KCNN2: variants seen among roughly 807,000 people sequenced by gnomAD.
KCNN2 encodes the protein potassium calcium-activated channel subfamily N member 2, also known as small conductance calcium-activated potassium channel protein 2.
KCNN2 carries 24 observed loss-of-function variants against 55.5 expected under a neutral mutation model. The ratio of observed to expected loss-of-function variants is 0.43; its 90% CI spans 0.31 to 0.61. The LOEUF is 0.61. Ranked by LOEUF, KCNN2 falls within the 20% of genes least tolerant of loss-of-function variation. The pLI is 0.08. For missense variants in KCNN2, 754 were observed against 853.6 expected, an observed-to-expected ratio of 0.88 and a Z score of 1.45; for synonymous variants, 431 against 336.1, an observed-to-expected ratio of 1.28 and a Z score of -3.09.
Position 114,362,775 on chromosome 5 carries a change from C to G in KCNN2, c.636C>G (p.Ala212=). Reference sequence around the variant, plus strand: ...AGAGCAACCCCTTCACCGAAATAGCCATGAGCAGCTGCAGGTACAACGGGG... The same window carrying G: ...AGAGCAACCCCTTCACCGAAATAGCGATGAGCAGCTGCAGGTACAACGGGG... ...RRESNPFTEI[A]MSSCRYNGGV... Residue 212 remains alanine (A), a synonymous_variant, in exon 1 of 8, where the codon GCC becomes GCG. Transcript: ENST00000673685. The G allele has an allele frequency of 2.5e-6, 4 of 1,585,252 alleles. No individual in the cohort carries two copies. The highest frequency in any genetic ancestry group is 3.4e-6 in the Non-Finnish European group (4 of 1,171,596).
At chr5:114,374,867 A>C (rs894518836) in intron 2 of KCNN2, among the ~76,000 whole-genome samples, 11 of 152,270 alleles carry the variant, frequency 7.2e-5, no homozygotes, top group Non-Finnish European at 1.3e-4. Context: ...TTATGTAGCT[A>C]TCCGTAGTGA....
chr5:114,367,471 TAAATG>T (rs1159635423), intron 2 of KCNN2, among the ~76,000 whole-genome samples: 3 of 152,196 alleles, frequency 2.0e-5, no homozygotes, highest in African/African-American at 7.2e-5. Flanking sequence ...AGCTAAAAAA[TAAATG>T]AACACATAAA....
chr5:114,130,500 T>G (rs970473050), intron 1 of KCNN2, among the ~76,000 whole-genome samples: 4 of 152,204 alleles, frequency 2.6e-5, no homozygotes, highest in African/African-American at 7.2e-5. Context: ...TTTGGACCTA[T>G]TGCCTAGCTC....
At position 114,161,900 on chromosome 5, in the gene KCNN2, C is replaced by T. The variant is rs143501408; in HGVS notation, c.-270-59580C>T. On this transcript the variant is annotated intron_variant, in intron 1 of 10. Coordinates refer to the KCNN2 transcript ENST00000512097. ...GCATTGGTTATTCTAGTTAGCCATT[C>T]GTCTAGTTTTTGTTCAAGGTTTTTA... Among the ~76,000 whole-genome samples the T allele has an allele frequency of 3.9e-3, 591 of 152,256 alleles. 5 individuals are homozygous for T. Among genetic ancestry groups the T allele is most frequent in the African/African-American group, 0.013 (549 of 41,558 alleles).
chr5:114,366,241 C>G (rs530048302), intron 2 of KCNN2, among the ~76,000 whole-genome samples: 72 of 152,270 alleles, frequency 4.7e-4, no homozygotes, highest in African/African-American at 1.7e-3. Flanking sequence ...CATGGAATGA[C>G]TCTCCACGGC....
At chr5:114,200,808 C>A (rs1255408408) in intron 1 of KCNN2, among the ~76,000 whole-genome samples, 1 of 151,882 alleles carries the variant, frequency 6.6e-6, no homozygotes, top group South Asian at 2.1e-4. Context: ...CTGTGATTTC[C>A]TTGGTGGTTT....
At chr5:114,273,867 T>G (rs1755425062) in intron 2 of KCNN2, among the ~76,000 whole-genome samples, 1 of 152,266 alleles carries the variant, frequency 6.6e-6, no homozygotes, top group Non-Finnish European at 1.5e-5. Flanking sequence ...ATCCCATTTG[T>G]CAATTTTGGC....
In KCNN2 at chr5:114,277,270, T is replaced by G. The variant is rs554520574; in HGVS notation, c.-185+55705T>G. Among the ~76,000 whole-genome samples the G allele has an allele frequency of 2.6e-5, 4 of 152,270 alleles. No homozygotes were observed. The East Asian group carries it at 7.7e-4, about 29-fold the overall frequency. On this transcript the variant is annotated intron_variant, in intron 2 of 10. Transcript: ENST00000512097. Reference sequence around the variant, plus strand: ...CCTTTCTCTCTGACTGCCCTTAACATTTTTTCCTTCATTTCAACCTTGGTG... The same window carrying G: ...CCTTTCTCTCTGACTGCCCTTAACAGTTTTTCCTTCATTTCAACCTTGGTG...
chr5:114,200,791 G>T (rs1204552760), intron 1 of KCNN2, among the ~76,000 whole-genome samples: 2 of 152,096 alleles, frequency 1.3e-5, no homozygotes, highest in South Asian at 4.1e-4. Flanking sequence ...GCAGTGGTCA[G>T]TGGTCTCTGT....
intron 2 of KCNN2, among the ~76,000 whole-genome samples, chr5:114,350,878 TCAA>T (rs1474471443): frequency 6.6e-6 from 1 of 151,850 alleles, no homozygotes; most frequent in East Asian, 1.9e-4. Context: ...AAGTTTCCAC[TCAA>T]CAAGTGTGCA....
At position 114,271,964 on chromosome 5, in the gene KCNN2, C is replaced by G. The variant is rs559746967; in HGVS notation, c.-185+50399C>G. On this transcript the variant is annotated intron_variant, in intron 2 of 10. Transcript: ENST00000512097. ...TACATGAATTAATACCTGTAAAGCT[C>G]TTAGTGCAGTATCTGGCATTTAATA... Among the ~76,000 whole-genome samples, 68 of 152,244 alleles carry G rather than the reference C, an allele frequency of 4.5e-4. 1 individual carries two copies. In the South Asian group the frequency reaches 0.014, roughly 31 times the overall value.
chr5:114,334,308 GTA>G (rs1221924226), intron 2 of KCNN2, among the ~76,000 whole-genome samples: 3 of 134,636 alleles, frequency 2.2e-5, no homozygotes, highest in South Asian at 2.4e-4. Flanking sequence ...GTGTGTGTGT[GTA>G]TAAGGCTCTG....
intron 1 of KCNN2, among the ~76,000 whole-genome samples, chr5:114,185,728 G>C (rs1384520687): frequency 2.0e-5 from 3 of 152,196 alleles, no homozygotes; most frequent in African/African-American, 7.2e-5. Context: ...GTAGAGAAAT[G>C]AAAGTTGCAT....
At chr5:114,278,639 G>A (rs541449818) in intron 2 of KCNN2, among the ~76,000 whole-genome samples, 25 of 152,312 alleles carry the variant, frequency 1.6e-4, no homozygotes, top group Non-Finnish European at 3.1e-4. Context: ...TGCACTAGCA[G>A]TGAGCAAGGC....
chr5:114,492,354 T>G (rs1374303714), intron 6 of KCNN2, among the ~76,000 whole-genome samples: 1 of 152,180 alleles, frequency 6.6e-6, no homozygotes, highest in East Asian at 1.9e-4. Flanking sequence ...AAAACTATAC[T>G]TTGTAAAATG....
intron 1 of KCNN2, among the ~76,000 whole-genome samples, chr5:114,065,846 G>GTTTTTTTTTTTTTTTTTTTT (rs56127808): frequency 2.2e-5 from 1 of 45,244 alleles, no homozygotes; most frequent in African/African-American, 8.5e-5. Flanking sequence ...TCCTATGCAG[G>GTTTTTTTTTTTTTTTTTTTT]TTTTTTTTTT....
At chr5:114,061,326 A>G (rs538577303) in intron 1 of KCNN2, among the ~76,000 whole-genome samples, 9 of 152,224 alleles carry the variant, frequency 5.9e-5, no homozygotes, top group Non-Finnish European at 1.3e-4. Context: ...GTGTGAATAT[A>G]GTAATATGGT....
chr5:114,228,512 G>A (rs967671349), intron 2 of KCNN2, among the ~76,000 whole-genome samples: 2 of 152,036 alleles, frequency 1.3e-5, no homozygotes, highest in Non-Finnish European at 2.9e-5. Context: ...TTATTATGAT[G>A]TAGTCTGCTT....
intron 1 of KCNN2, among the ~76,000 whole-genome samples, chr5:114,219,237 T>A (rs1413954426): frequency 6.6e-6 from 1 of 152,208 alleles, no homozygotes; most frequent in East Asian, 1.9e-4. Context: ...TGTTAAAAGC[T>A]TAGTAGGCTG....
Sources: gnomAD v4.1 joint callset for allele counts (sites outside exome capture counted in the v4.1 genomes callset) on GRCh38, gnomAD v4.1.1 for gene constraint, MANE v1.5 for transcripts, NCBI Gene and HGNC (gene_info 2026-07-23, HGNC 2026-07-21) for gene names.